RTKN2: variants seen among roughly 807,000 people sequenced by gnomAD.
RTKN2 encodes rhotekin-2.
RTKN2 carries 69 observed loss-of-function variants against 71.5 expected under a neutral mutation model. That is an observed-to-expected ratio of 0.96 (90% CI 0.79 to 1.18). RTKN2 has a LOEUF of 1.18. Ranked by LOEUF, RTKN2 falls within the 50% of genes most tolerant of loss-of-function variation. The pLI is 0.00. For synonymous variants in RTKN2, 236 were observed against 236.5 expected (o/e 1.00, Z 0.02); for missense variants, 724 against 719.7 (o/e 1.01, Z -0.07).
intron 8 of RTKN2, chr10:62,184,515 T>C: frequency 3.7e-6 from 2 of 535,030 alleles, no homozygotes; most frequent in Non-Finnish European, 6.5e-6. Context: ...AAATGAGTTG[T>C]CTTAATATGT....
intron 6 of RTKN2, among the ~76,000 whole-genome samples, chr10:62,229,142 G>T (rs1440254618): frequency 6.6e-6 from 1 of 152,196 alleles, no homozygotes; most frequent in Non-Finnish European, 1.5e-5. Flanking sequence ...ACCAAGGTTG[G>T]AGTTTTTCCA....
At chr10:62,190,893 T>A (rs1411841784), downstream of RTKN2, among the ~76,000 whole-genome samples, 1 of 152,148 alleles carries the variant, frequency 6.6e-6, no homozygotes, top group African/African-American at 2.4e-5. Flanking sequence ...CTACTTGTTT[T>A]ACCTACAATT....
chr10:62,254,136 T>C (rs79513454), intron 2 of RTKN2, among the ~76,000 whole-genome samples: 2,515 of 152,184 alleles, frequency 0.017, 60 homozygotes, highest in African/African-American at 0.057. Flanking sequence ...TAAGAAAAAG[T>C]TCATTGATAT....
intron 9 of RTKN2, among the ~76,000 whole-genome samples, chr10:62,212,912 C>A (rs949231010): frequency 2.6e-5 from 4 of 152,006 alleles, no homozygotes; most frequent in Admixed American, 2.6e-4. Context: ...ATCTGCTACC[C>A]CTGGAGGGAG....
chr10:62,199,580 T>C (rs976702742), intron 11 of RTKN2, among the ~76,000 whole-genome samples, 174 bp downstream of exon 11: 3 of 152,242 alleles, frequency 2.0e-5, no homozygotes, highest in Admixed American at 6.5e-5. Context: ...TTCATTATTT[T>C]GTATTAATTC....
intron 2 of RTKN2, among the ~76,000 whole-genome samples, chr10:62,253,942 C>T (rs1194587924): frequency 2.0e-5 from 3 of 152,074 alleles, no homozygotes; most frequent in Non-Finnish European, 4.4e-5. Context: ...CAAAATTAAC[C>T]TACAGTGGAA....
chr10:62,224,391 T>C (rs984129045), intron 6 of RTKN2, among the ~76,000 whole-genome samples: 1 of 152,188 alleles, frequency 6.6e-6, no homozygotes, highest in Non-Finnish European at 1.5e-5. Context: ...GTTATTAACT[T>C]AGCAAGTTTA....
intron 9 of RTKN2, among the ~76,000 whole-genome samples, chr10:62,205,400 G>T (rs973918077): frequency 4.6e-5 from 7 of 152,024 alleles, no homozygotes; most frequent in Non-Finnish European, 1.0e-4. Context: ...CTGTAATGTG[G>T]ATTACATGTT....
rs1321910383 is a variant in RTKN2 at position 62,223,316 on chromosome 10, A to G, written c.703T>C (p.Leu235=). ...SSAVFGVKYN[L]LAHTTLTLES... is the part of the protein sequence containing the mutation. ...AAGGTTAGGGTAGTGTGAGCTAGCAAATTATACTTTACACCACTAATAGTA... is the reference window on the plus strand; with the variant it reads ...AAGGTTAGGGTAGTGTGAGCTAGCAGATTATACTTTACACCACTAATAGTA... Residue 235 remains leucine (L), a synonymous_variant, in exon 7 of 12, where the codon TTG becomes CTG. Coordinates refer to ENST00000373789, the MANE Select transcript of RTKN2 (RefSeq NM_145307.4). 1 of 1,604,100 alleles carries G rather than the reference A, an allele frequency of 6.2e-7. No homozygotes were observed. The highest frequency in any genetic ancestry group is 2.2e-5 in the East Asian group (1 of 44,726).
At chr10:62,258,393 A>C (rs923877506) in intron 2 of RTKN2, among the ~76,000 whole-genome samples, 4 of 152,232 alleles carry the variant, frequency 2.6e-5, no homozygotes, top group Non-Finnish European at 5.9e-5. Flanking sequence ...ATGTACAGAG[A>C]GCACTTTGAG....
rs777685938 is a variant in RTKN2, at chr10:62,205,008, C to T, written c.1035G>A (p.Arg345=). The T allele has an allele frequency of 7.6e-6, 12 of 1,582,790 alleles. No homozygotes were observed. In the South Asian group the frequency reaches 8.4e-5, roughly 11 times the overall value. The change falls in exon 10 of 12, where the codon CGG becomes CGA. Residue 345 remains arginine, a synonymous_variant. Transcript: ENST00000373789. ...VVPINKETRI[R]AMDKDAKKRI... is the part of the protein sequence containing the mutation. ...TTTTCTTGGCATCCTTATCCATTGCCCGGATTCTGGTTTCCTAAAAATTAA... is the reference window on the plus strand; with the variant it reads ...TTTTCTTGGCATCCTTATCCATTGCTCGGATTCTGGTTTCCTAAAAATTAA...
intron 2 of RTKN2, among the ~76,000 whole-genome samples, chr10:62,254,650 ATAGAT>A (rs1250936931): frequency 1.3e-5 from 2 of 152,188 alleles, no homozygotes; most frequent in Non-Finnish European, 2.9e-5. Context: ...AAGAAATAAA[ATAGAT>A]TAGGCTGAAC....
intron 6 of RTKN2, among the ~76,000 whole-genome samples, chr10:62,228,094 T>C (rs1473840458): frequency 6.6e-6 from 1 of 152,204 alleles, no homozygotes; most frequent in East Asian, 1.9e-4. Context: ...CAACTGGATA[T>C]ATGAGTCTGG....
chr10:62,264,192 G>A (rs939844867), intron 1 of RTKN2, among the ~76,000 whole-genome samples: 2 of 152,082 alleles, frequency 1.3e-5, no homozygotes, highest in Non-Finnish European at 2.9e-5. Context: ...TGAAAGTTAG[G>A]AGAGCTAATA....
intron 8 of RTKN2, chr10:62,184,394 A>G (rs537420454): frequency 6.9e-5 from 105 of 1,520,668 alleles, no homozygotes; most frequent in Non-Finnish European, 8.6e-5. Context: ...TATTCTGAAA[A>G]ACAAAAAAAA....
At chr10:62,208,136 A>G (rs539429024) in intron 9 of RTKN2, among the ~76,000 whole-genome samples, 7 of 152,294 alleles carry the variant, frequency 4.6e-5, no homozygotes, top group East Asian at 1.9e-4. Flanking sequence ...TATAAACTCT[A>G]AAGTCACAGG....
chr10:62,218,051 T>C, intron 8 of RTKN2, 144 bp downstream of exon 8: 1 of 585,702 alleles, frequency 1.7e-6, no homozygotes, highest in South Asian at 2.2e-5. Context: ...CCCCCTACAG[T>C]TTATATCTGA....
chr10:62,239,250 T>G (rs1406489382), intron 5 of RTKN2: 1 of 156,068 alleles, frequency 6.4e-6, no homozygotes, highest in African/African-American at 2.4e-5. Flanking sequence ...TATTTTAGTA[T>G]TTCTGCAACC....
chr10:62,192,236 T>C (rs187056110), downstream of RTKN2, among the ~76,000 whole-genome samples: 6 of 152,286 alleles, frequency 3.9e-5, no homozygotes, highest in African/African-American at 1.4e-4. Flanking sequence ...TAAGGGGGGC[T>C]ACTGAGAGAA....
Sources: gnomAD v4.1 joint callset for allele counts (sites outside exome capture counted in the v4.1 genomes callset) on GRCh38, gnomAD v4.1.1 for gene constraint, MANE v1.5 for transcripts, NCBI Gene and HGNC (gene_info 2026-07-23, HGNC 2026-07-21) for gene names.